Variants in NCOR1 observed in about 807,000 individuals in gnomAD.
The protein encoded by NCOR1 is nuclear receptor corepressor 1.
A neutral mutation model predicts 288.1 loss-of-function variants in NCOR1; 63 were observed. The ratio of observed to expected loss-of-function variants is 0.22; its 90% CI spans 0.18 to 0.27. The LOEUF (loss-of-function observed/expected upper bound fraction) is 0.27. Ranked by LOEUF, NCOR1 falls within the 10% of genes least tolerant of loss-of-function variation. The probability of loss-of-function intolerance (pLI) is 1.00; values close to 1 mark genes in which losing one functional copy is unlikely to be tolerated. For missense variants in NCOR1, 2,397 were observed against 3,019.2 expected (o/e 0.79, Z 4.83); for synonymous variants, 1,007 against 1,065.9 (o/e 0.94, Z 1.08).
chr17:16,166,608 A>T (rs1177702094), intron 4 of NCOR1, among the ~76,000 whole-genome samples: 1 of 152,086 alleles, frequency 6.6e-6, no homozygotes, highest in Non-Finnish European at 1.5e-5. Context: ...TGAACCCAGG[A>T]GGCAGAGGTT....
chr17:16,154,884 G>A (rs908970278), intron 6 of NCOR1, among the ~76,000 whole-genome samples: 1 of 152,166 alleles, frequency 6.6e-6, no homozygotes, highest in Non-Finnish European at 1.5e-5. Context: ...TTTAGGAGGT[G>A]GGACTAACGC....
At chr17:16,063,916 C>T (rs2060822472) in intron 35 of NCOR1, 152 bp downstream of exon 35, 3 of 997,424 alleles carry the variant, frequency 3.0e-6, no homozygotes, top group Non-Finnish European at 4.3e-6. Flanking sequence ...TCAGCTGCTA[C>T]AGCACTTTCA....
rs138438944 is a variant in NCOR1, at chr17:16,209,940, G to C, written c.-71+5422C>G. 1.2e-3 allele frequency among the ~76,000 whole-genome samples: 177 copies of C among 150,200 alleles called. 1 individual carries two copies. The highest frequency in any genetic ancestry group is 4.1e-3 in the African/African-American group (169 of 40,892). On this transcript the variant is annotated intron_variant, in intron 1 of 45. Coordinates refer to ENST00000268712, the MANE Select transcript of NCOR1 (RefSeq NM_006311.4). Reference sequence around the variant, plus strand: ...TACTCCAGCCTGGGCAATAGAGTGAGACTCTGTCAAAAAAAAAAATGTTCA... The same window carrying C: ...TACTCCAGCCTGGGCAATAGAGTGACACTCTGTCAAAAAAAAAAATGTTCA...
At position 16,039,466 on chromosome 17, in the gene NCOR1, G is replaced by C. The variant is rs2057140234; in HGVS notation, c.6922C>G (p.Arg2308Gly). 1 of 1,613,850 alleles carries C rather than the reference G, an allele frequency of 6.2e-7. No homozygotes were observed. Among genetic ancestry groups the C allele is most frequent in the Admixed American group, 1.7e-5 (1 of 59,990 alleles). ...GGTGATGGGTCCCCTTCCTCTCTTC[G>C]TGTCTCACCACTGGTCACAACTGAG... ...NTSVVTSGET[R>G]REEGDPSPHS... Residue 2308 changes from arginine (R) to glycine (G), a missense_variant, in exon 44 of 46, where the codon CGA (arginine) becomes GGA (glycine). Physicochemically the swap from Arg to Gly is moderately radical, Grantham distance 125. Coordinates refer to ENST00000268712, the MANE Select transcript of NCOR1 (RefSeq NM_006311.4).
At chr17:16,148,770 C>G (rs970634585) in intron 9 of NCOR1, among the ~76,000 whole-genome samples, 1 of 147,528 alleles carries the variant, frequency 6.8e-6, no homozygotes, top group South Asian at 2.2e-4. Flanking sequence ...CCAAATAAAG[C>G]TGCTGACTCT....
chr17:16,174,310 A>G (rs958646087), intron 3 of NCOR1, among the ~76,000 whole-genome samples: 3 of 152,250 alleles, frequency 2.0e-5, no homozygotes, highest in Non-Finnish European at 4.4e-5. Flanking sequence ...AGCTATTATA[A>G]TCAAAAGATT....
chr17:16,206,751 C>T (rs189781541), intron 1 of NCOR1, among the ~76,000 whole-genome samples: 1 of 151,866 alleles, frequency 6.6e-6, no homozygotes, highest in African/African-American at 2.4e-5. Flanking sequence ...ATAGAGGTAA[C>T]TGAAATAAAT....
intron 11 of NCOR1, among the ~76,000 whole-genome samples, chr17:16,142,063 C>T (rs1225232081): frequency 6.6e-6 from 1 of 152,108 alleles, no homozygotes; most frequent in African/African-American, 2.4e-5. Context: ...AACTCCCCCT[C>T]CTCAAAAACC....
intron 6 of NCOR1, among the ~76,000 whole-genome samples, chr17:16,155,918 T>C (rs1357417358): frequency 1.3e-5 from 2 of 152,130 alleles, no homozygotes; most frequent in Non-Finnish European, 2.9e-5. Flanking sequence ...TCTAGGCCCA[T>C]TGTGCTCTCC....
At chr17:16,088,687 T>A (rs973245507) in intron 22 of NCOR1, among the ~76,000 whole-genome samples, 1 of 152,202 alleles carries the variant, frequency 6.6e-6, no homozygotes, top group African/African-American at 2.4e-5. Flanking sequence ...ACAATATCTA[T>A]TTAGCCCTCA....
At chr17:16,108,997 G>GCA (rs199740918) in intron 18 of NCOR1, 85 bp from the exon 19 acceptor site, 97 of 1,050,148 alleles carry the variant, frequency 9.2e-5, no homozygotes, top group South Asian at 1.6e-4. Context: ...ACATTGATAA[G>GCA]CACACACACA....
At chr17:16,061,940 G>T (rs1320504676) in intron 36 of NCOR1, 46 bp from the exon 37 acceptor site, 2 of 1,570,052 alleles carry the variant, frequency 1.3e-6, no homozygotes, top group Admixed American at 3.9e-5. Context: ...AAGACCATTT[G>T]CTGGGAATGT....
intron 6 of NCOR1, among the ~76,000 whole-genome samples, chr17:16,154,716 A>T (rs2079436252): frequency 6.6e-6 from 1 of 152,232 alleles, no homozygotes; most frequent in Non-Finnish European, 1.5e-5. Flanking sequence ...AAATCATAAA[A>T]AGGTTCTATT....
rs999507489 is a variant in NCOR1, at chr17:16,154,747, C to T, written c.733-1352G>A. 7.9e-5 allele frequency among the ~76,000 whole-genome samples: 12 copies of T among 151,768 alleles called. No homozygotes were observed. The South Asian group carries it at 8.3e-4, about 11-fold the overall frequency. On this transcript the variant is annotated intron_variant, in intron 6 of 45. Coordinates refer to ENST00000268712, the MANE Select transcript of NCOR1 (RefSeq NM_006311.4). Reference sequence around the variant, plus strand: ...CTATTTGGAGAATCATTAAATGGGACGAAAATATGAAAGATGGGTTAGAAA... The same window carrying T: ...CTATTTGGAGAATCATTAAATGGGATGAAAATATGAAAGATGGGTTAGAAA...
intron 42 of NCOR1, among the ~76,000 whole-genome samples, chr17:16,043,771 A>T (rs1337751200): frequency 1.3e-5 from 2 of 152,252 alleles, no homozygotes; most frequent in African/African-American, 4.8e-5. Context: ...GAGTGCCAAG[A>T]GAAATTGAAA....
Position 16,172,161 on chromosome 17 carries a change from T to C in NCOR1, c.243-166A>G, listed in dbSNP as rs1276870678. On this transcript the variant is annotated intron_variant, in intron 3 of 45. Coordinates refer to ENST00000268712, the MANE Select transcript of NCOR1 (RefSeq NM_006311.4). Reference sequence around the variant, plus strand: ...CACCCCCAAAGAATATATACCTCACTATAGTACCATTAAACTTCTAGTCTA... The same window carrying C: ...CACCCCCAAAGAATATATACCTCACCATAGTACCATTAAACTTCTAGTCTA... 4 of 447,124 alleles carry C rather than the reference T, an allele frequency of 8.9e-6. No individual in the cohort carries two copies. In the East Asian group the frequency reaches 1.4e-4, roughly 16 times the overall value. 27.7% of individuals were successfully genotyped at this position (447,124 alleles called of 1,614,324 possible). A position where few individuals can be genotyped will look rare whatever the true frequency, so the allele number is the denominator to read the frequency against.
intron 3 of NCOR1, among the ~76,000 whole-genome samples, chr17:16,185,556 G>A (rs1426523961): frequency 6.6e-6 from 1 of 151,688 alleles, no homozygotes; most frequent in East Asian, 1.9e-4. Flanking sequence ...TGGTGTGTAT[G>A]CCTGTAATCC....
intron 35 of NCOR1, 144 bp downstream of exon 35, chr17:16,063,924 T>C: frequency 9.1e-7 from 1 of 1,096,042 alleles, no homozygotes; most frequent in Non-Finnish European, 1.3e-6. Flanking sequence ...TACAGCACTT[T>C]CACCTGTTTT....
intron 27 of NCOR1, 73 bp downstream of exon 27, chr17:16,075,461 T>G: frequency 6.6e-7 from 1 of 1,508,090 alleles, no homozygotes; most frequent in East Asian, 2.3e-5. Context: ...AGAGCAGAAA[T>G]GCGGGAAAAC....
Sources: allele counts gnomAD v4.1 joint callset (sites outside exome capture counted in the v4.1 genomes callset), GRCh38; gene constraint gnomAD v4.1.1; transcripts MANE v1.5; gene names NCBI Gene and HGNC (gene_info 2026-07-23, HGNC 2026-07-21).